Variants in ZSWIM6 observed in about 807,000 individuals in gnomAD.
ZSWIM6 encodes the protein zinc finger SWIM-type containing 6, also known as zinc finger SWIM domain-containing protein 6.
In ZSWIM6, 9 loss-of-function variants were observed where a neutral mutation model predicts 113.2. The observed-to-expected ratio is 0.08, with a 90% CI of 0.05 to 0.14. ZSWIM6 has a LOEUF of 0.14. Among genes scored for constraint, ZSWIM6 ranks in the 10% least tolerant of loss-of-function variants. ZSWIM6 has a pLI of 1.00. For missense variants in ZSWIM6, 1,162 were observed against 1,552.2 expected (o/e 0.75, Z 4.22); for synonymous variants, 611 against 606.5 (o/e 1.01, Z -0.11).
Position 61,530,173 on chromosome 5 carries a change from C to A in ZSWIM6, c.1959C>A (p.Asn653Lys). Residue 653 changes from asparagine (N) to lysine (K), a missense_variant, in exon 8 of 14, where the codon AAC (asparagine) becomes AAA (lysine). Physicochemically the swap from Asn to Lys is moderately conservative, Grantham distance 94. Around this residue, in one of 4 missense-constraint regions of ZSWIM6, gnomAD observed 620 missense variants for 804.6 expected, o/e 0.77. Transcript: ENST00000252744. ...LMEACRIDDE[N>K]LSGFSDFTEN... ...AAGCCTGCCGCATTGATGATGAGAA[C>A]CTCTCTGGGTTCTCAGATTTTACAG... 1 of 1,551,698 alleles carries A rather than the reference C, an allele frequency of 6.4e-7. No individual in the cohort carries two copies. Among genetic ancestry groups the A allele is most frequent in the East Asian group, 2.4e-5 (1 of 40,918 alleles).
intron 1 of ZSWIM6, among the ~76,000 whole-genome samples, chr5:61,452,062 G>C (rs1400400369): frequency 6.6e-6 from 1 of 152,084 alleles, no homozygotes; most frequent in Non-Finnish European, 1.5e-5. Flanking sequence ...GCCTCTCTCA[G>C]ATACCTTTAC....
At chr5:61,475,607 A>G (rs1038234224) in intron 2 of ZSWIM6, among the ~76,000 whole-genome samples, 5 of 152,154 alleles carry the variant, frequency 3.3e-5, no homozygotes, top group Admixed American at 3.3e-4. Flanking sequence ...TTAATTTATC[A>G]TCAAATTTGC....
At chr5:61,487,417 G>T (rs559325157) in intron 2 of ZSWIM6, among the ~76,000 whole-genome samples, 10 of 151,784 alleles carry the variant, frequency 6.6e-5, no homozygotes, top group Admixed American at 6.6e-4. Context: ...GGATTGTTTG[G>T]TCTAATTCTG....
At chr5:61,485,267 A>G (rs1269543387) in intron 2 of ZSWIM6, among the ~76,000 whole-genome samples, 1 of 152,158 alleles carries the variant, frequency 6.6e-6, no homozygotes, top group East Asian at 1.9e-4. Flanking sequence ...ACTCTTCCTA[A>G]GAGGCCACTC....
chr5:61,382,436 A>G (rs1344884423), intron 1 of ZSWIM6, among the ~76,000 whole-genome samples: 1 of 152,240 alleles, frequency 6.6e-6, no homozygotes, highest in African/African-American at 2.4e-5. Flanking sequence ...AATGATGCCA[A>G]CGGTTCTTTC....
chr5:61,461,484 C>G (rs939194500), intron 1 of ZSWIM6, among the ~76,000 whole-genome samples: 3 of 152,184 alleles, frequency 2.0e-5, no homozygotes, highest in Admixed American at 6.5e-5. Flanking sequence ...CCTTGTCTTA[C>G]TTTTGAGTTG....
intron 1 of ZSWIM6, among the ~76,000 whole-genome samples, chr5:61,382,898 T>C (rs956826299): frequency 5.3e-5 from 8 of 152,184 alleles, no homozygotes; most frequent in African/African-American, 1.9e-4. Flanking sequence ...GGAGCTAATT[T>C]ATAGCAGATT....
intron 1 of ZSWIM6, among the ~76,000 whole-genome samples, chr5:61,362,047 A>C (rs1392314067): frequency 3.3e-5 from 5 of 152,216 alleles, no homozygotes. Flanking sequence ...ATAAAATATC[A>C]AGCGAGTATT....
In ZSWIM6 at chr5:61,505,599, T is replaced by TTTCC. The variant is rs1554038978; in HGVS notation, c.1333+11190_1333+11191insTCCT. Reference sequence around the variant, plus strand: ...TTAATTGTTTTGGAATATCTATGATTTACCTTCCTTCCTTCCTTCCTTCCT... The same window carrying TTTCC: ...TTAATTGTTTTGGAATATCTATGATTTTCCTACCTTCCTTCCTTCCTTCCTTCCT... On this transcript the variant is annotated intron_variant, in intron 4 of 13. Transcript: ENST00000252744. 5.4e-3 allele frequency among the ~76,000 whole-genome samples: 649 copies of TTTCC among 119,936 alleles called. 92 individuals carry two copies. The highest frequency in any genetic ancestry group is 0.011 in the East Asian group (44 of 4,040). The allele number at this position is 119,936 out of a possible 152,430, so 78.7% of individuals were successfully genotyped here.
chr5:61,397,735 T>G lies in ZSWIM6; in HGVS notation c.676+64787T>G, dbSNP rs535028047. On this transcript the variant is annotated intron_variant, in intron 1 of 13. Coordinates refer to ENST00000252744, the MANE Select transcript of ZSWIM6 (RefSeq NM_020928.2). ...TTTGAATTAAATCTTTTGTTGTGAGTGACTTCTGAAGGGGATGGAGTCCTT... is the reference window on the plus strand; with the variant it reads ...TTTGAATTAAATCTTTTGTTGTGAGGGACTTCTGAAGGGGATGGAGTCCTT... 4.2e-4 allele frequency among the ~76,000 whole-genome samples: 64 copies of G among 152,320 alleles called. No homozygotes were observed. The South Asian group carries it at 0.013, about 30-fold the overall frequency.
intron 8 of ZSWIM6, 110 bp downstream of exon 8, chr5:61,530,308 A>G: frequency 8.8e-7 from 1 of 1,140,190 alleles, no homozygotes; most frequent in Non-Finnish European, 1.2e-6. Flanking sequence ...AGTTAACAGC[A>G]CCTTTGGTTA....
intron 1 of ZSWIM6, among the ~76,000 whole-genome samples, chr5:61,415,335 G>A (rs889793285): frequency 1.3e-5 from 2 of 152,236 alleles, no homozygotes; most frequent in African/African-American, 4.8e-5. Context: ...GCTCATGCCT[G>A]TAATTCCAGC....
intron 1 of ZSWIM6, among the ~76,000 whole-genome samples, chr5:61,462,515 A>G (rs774678978): frequency 9.2e-5 from 14 of 152,248 alleles, no homozygotes; most frequent in Non-Finnish European, 1.9e-4. Flanking sequence ...TTAGTTTGGA[A>G]GTATGGATAT....
At chr5:61,413,922 C>A (rs1746194414) in intron 1 of ZSWIM6, among the ~76,000 whole-genome samples, 1 of 148,628 alleles carries the variant, frequency 6.7e-6, no homozygotes, top group Non-Finnish European at 1.5e-5. Flanking sequence ...GAAGGAAGCT[C>A]CTGAGGGCAG....
chr5:61,498,711 G>A (rs540577885), intron 4 of ZSWIM6, among the ~76,000 whole-genome samples: 1 of 152,152 alleles, frequency 6.6e-6, no homozygotes, highest in East Asian at 1.9e-4. Flanking sequence ...TTCCATCCCA[G>A]ACTCAAATAG....
At position 61,531,581 on chromosome 5, in the gene ZSWIM6, C is replaced by G; in HGVS notation, c.2101C>G (p.Gln701Glu). ...GGAAGTAGCCCTGATAGGGCTAGGA[C>G]AGCAGCGTATCATGCCTGATGGGCT... is the stretch of plus-strand genomic sequence containing the variant. ...AVEVALIGLG[Q>E]QRIMPDGLYT... is the part of the protein sequence containing the mutation. Residue 701 changes from glutamine (Q) to glutamate (E), a missense_variant, in exon 9 of 14, where the codon CAG becomes GAG. Gln to Glu is a conservative substitution (Grantham distance 29). Transcript: ENST00000252744. 6.4e-7 allele frequency: 1 copy of G among 1,551,700 alleles called. No homozygotes were observed. Among genetic ancestry groups the G allele is most frequent in the Non-Finnish European group, 8.7e-7 (1 of 1,146,992 alleles).
In ZSWIM6 at chr5:61,543,566, T is replaced by C; in HGVS notation, c.2897T>C (p.Leu966Pro). Residue 966 changes from leucine (L) to proline (P), a missense_variant, in exon 14 of 14, where the codon CTC becomes CCC. This residue lies in a region of ZSWIM6 where 620 missense variants were observed against 804.6 expected (regional missense o/e 0.77). Transcript: ENST00000252744. The surrounding 1 kb of genome is among the most constrained non-coding windows in gnomAD (Gnocchi z 4.3). ...ATGTCCAACAGCACCATCGTCCGCC[T>C]CCACCTGGACTGCCACCAGCAGGAA... ...TVMSNSTIVR[L>P]HLDCHQQEKL... is the part of the protein sequence containing the mutation. The C allele has an allele frequency of 6.4e-7, 1 of 1,551,490 alleles. No homozygotes were observed. The highest frequency in any genetic ancestry group is 8.7e-7 in the Non-Finnish European group (1 of 1,146,986).
At chr5:61,428,571 A>G (rs1746511750) in intron 1 of ZSWIM6, among the ~76,000 whole-genome samples, 1 of 150,752 alleles carries the variant, frequency 6.6e-6, no homozygotes, top group South Asian at 2.1e-4. Context: ...GGGTCTGGCT[A>G]TGTTGATAAG....
intron 1 of ZSWIM6, among the ~76,000 whole-genome samples, chr5:61,459,094 G>A (rs1747270320): frequency 6.6e-6 from 1 of 152,018 alleles, no homozygotes; most frequent in East Asian, 1.9e-4. Flanking sequence ...AACCATTTGG[G>A]TTTACATTTC....
Sources: gnomAD v4.1 joint callset for allele counts (sites outside exome capture counted in the v4.1 genomes callset) on GRCh38, gnomAD v4.1.1 for gene constraint, gnomAD v4.1.1 regional missense constraint, Gnocchi (gnomAD v3.1) non-coding constraint, MANE v1.5 for transcripts, NCBI Gene and HGNC (gene_info 2026-07-23, HGNC 2026-07-21) for gene names.